Variants in ALX1 observed in about 807,000 individuals in gnomAD.
The protein encoded by ALX1 is ALX homeobox protein 1.
Under a neutral mutation model 31.7 loss-of-function variants are expected in ALX1, and 19 were observed. The observed-to-expected ratio is 0.60, with a 90% CI of 0.42 to 0.88. ALX1 has a LOEUF of 0.88. ALX1 is among the 40% of genes least tolerant of loss of function. ALX1 has a pLI of 0.00. For synonymous variants in ALX1, 153 were observed against 148.8 expected (o/e 1.03, Z -0.20); for missense variants, 415 against 407.8 (o/e 1.02, Z -0.15).
At chr12:85,290,880 T>C (rs1301178388) in intron 3 of ALX1, among the ~76,000 whole-genome samples, 3 of 150,932 alleles carry the variant, frequency 2.0e-5, no homozygotes, top group Admixed American at 6.6e-5. Context: ...TTTTGTTGGG[T>C]TGTATTAAAG....
At chr12:85,293,911 C>T (rs964366163) in intron 3 of ALX1, among the ~76,000 whole-genome samples, 61 of 151,178 alleles carry the variant, frequency 4.0e-4, no homozygotes, top group Admixed American at 4.0e-3. Flanking sequence ...GTTTATGAAG[C>T]CTCATGTGTC....
intron 1 of ALX1, among the ~76,000 whole-genome samples, chr12:85,281,166 C>G (rs1264387949): frequency 6.6e-6 from 1 of 152,104 alleles, no homozygotes; most frequent in East Asian, 1.9e-4. Context: ...AAACCATCCC[C>G]GGCCTAATCA....
chr12:85,290,764 G>A (rs1181359825), intron 3 of ALX1, among the ~76,000 whole-genome samples: 1 of 150,976 alleles, frequency 6.6e-6, no homozygotes, highest in Admixed American at 6.6e-5. Flanking sequence ...TGCTTGGGAT[G>A]AATTTGTTTC....
At chr12:85,294,940 T>C (rs979326350) in intron 3 of ALX1, among the ~76,000 whole-genome samples, 2 of 151,270 alleles carry the variant, frequency 1.3e-5, no homozygotes, top group Non-Finnish European at 3.0e-5. Context: ...ATAATATATA[T>C]TGGAAAAGTA....
intron 3 of ALX1, among the ~76,000 whole-genome samples, chr12:85,294,870 A>G (rs1896866456): frequency 1.3e-5 from 2 of 151,164 alleles, no homozygotes; most frequent in Admixed American, 1.3e-4. Context: ...AATAAAAGTG[A>G]CAGTATTTAG....
Position 85,286,986 on chromosome 12 carries a change from G to A in ALX1, c.660+5G>A. ...AGGACTGACAGCTACCCACAGGTAT[G>A]CTAAACTACACAGAATACTGATCAA... On this transcript the variant is annotated splice_donor_5th_base_variant and intron_variant, in intron 3 of 3. Coordinates refer to ENST00000316824, the MANE Select transcript of ALX1 (RefSeq NM_006982.3). 6.2e-7 allele frequency: 1 copy of A among 1,611,766 alleles called. No homozygotes were observed. Among genetic ancestry groups the A allele is most frequent in the South Asian group, 1.1e-5 (1 of 91,020 alleles).
intron 3 of ALX1, among the ~76,000 whole-genome samples, chr12:85,290,611 T>C (rs1230069876): frequency 6.6e-6 from 1 of 151,342 alleles, no homozygotes; most frequent in East Asian, 1.9e-4. Flanking sequence ...GTAGTATATT[T>C]TGATGTACTG....
rs1896709249 is a variant in ALX1 at position 85,283,653 on chromosome 12, G to A, written c.308G>A (p.Arg103Gln). Residue 103 changes from arginine to glutamine, a missense_variant, in exon 2 of 4, where the codon CGA (arginine) becomes CAA (glutamine). Arg to Gln is a conservative substitution (Grantham distance 43). Coordinates refer to ENST00000316824, the MANE Select transcript of ALX1 (RefSeq NM_006982.3). The stretch of plus-strand genomic sequence containing the variant: ...GCTATGGACAACTGTAACAGTCTCC[G>A]AATGTCTCCCGTGAAAGGGATGCAA... Reference protein sequence around the residue: ...NRAMDNCNSLRMSPVKGMQEK... With the variant: ...NRAMDNCNSLQMSPVKGMQEK... The A allele has an allele frequency of 2.5e-6, 4 of 1,614,106 alleles. No homozygotes were observed. Among genetic ancestry groups the A allele is most frequent in the African/African-American group, 1.3e-5 (1 of 75,008 alleles).
Position 85,301,322 on chromosome 12 carries a change from C to T in ALX1, c.828C>T (p.Pro276=), listed in dbSNP as rs1300932535. The T allele has an allele frequency of 1.2e-6, 2 of 1,613,926 alleles. No homozygotes were observed. The highest frequency in any genetic ancestry group is 1.7e-5 in the Admixed American group (1 of 59,956). ...SNHQNQFSHV[P]LNNFFTDSLL... ...ACCAGAACCAGTTCAGCCACGTGCC[C>T]CTCAACAATTTTTTCACTGACTCTC... Residue 276 remains proline, a synonymous_variant, in exon 4 of 4, where the codon CCC becomes CCT. Coordinates refer to ENST00000316824, the MANE Select transcript of ALX1 (RefSeq NM_006982.3).
At chr12:85,288,729 G>A (rs898520552) in intron 3 of ALX1, among the ~76,000 whole-genome samples, 26 of 151,448 alleles carry the variant, frequency 1.7e-4, no homozygotes, top group African/African-American at 6.3e-4. Flanking sequence ...AAAGAGGTAA[G>A]GTGAAGTTCA....
intron 2 of ALX1, among the ~76,000 whole-genome samples, chr12:85,284,656 T>C (rs895207858): frequency 1.3e-5 from 2 of 152,166 alleles, no homozygotes; most frequent in Non-Finnish European, 2.9e-5. Flanking sequence ...AGAAAAATCA[T>C]ACCAGGTAAA....
intron 3 of ALX1, among the ~76,000 whole-genome samples, chr12:85,287,813 G>A (rs1278826314): frequency 1.3e-5 from 2 of 151,244 alleles, no homozygotes; most frequent in Non-Finnish European, 3.0e-5. Context: ...TAAGCAACGA[G>A]CTATGCATTA....
chr12:85,283,898 T>C, intron 2 of ALX1, 22 bp downstream of exon 2: 1 of 1,611,832 alleles, frequency 6.2e-7, no homozygotes, highest in East Asian at 2.2e-5. Context: ...AAAGAGGCCT[T>C]GATGGATGGG....
intron 1 of ALX1, among the ~76,000 whole-genome samples, chr12:85,281,731 C>T (rs370786073): frequency 6.6e-6 from 1 of 152,168 alleles, no homozygotes; most frequent in African/African-American, 2.4e-5. Flanking sequence ...AAGATTCGAG[C>T]GTATACTTTT....
intron 1 of ALX1, 102 bp from the exon 2 acceptor site, chr12:85,283,470 A>G (rs1896706210): frequency 3.3e-6 from 4 of 1,204,736 alleles, no homozygotes; most frequent in Middle Eastern, 2.0e-4. Context: ...TAAATTATTA[A>G]TAGGCCAATT....
intron 2 of ALX1, 52 bp downstream of exon 2, chr12:85,283,928 T>C (rs757880621): frequency 1.3e-6 from 2 of 1,587,550 alleles, no homozygotes; most frequent in Non-Finnish European, 1.7e-6. Context: ...TAAATGGTGT[T>C]AGAATAATTG....
Position 85,280,443 on chromosome 12 carries a change from A to T in ALX1, c.182A>T (p.His61Leu). 1 of 1,612,182 alleles carries T rather than the reference A, an allele frequency of 6.2e-7. No individual in the cohort carries two copies. The highest frequency in any genetic ancestry group is 1.1e-5 in the South Asian group (1 of 91,018). Residue 61 changes from histidine (H) to leucine (L), a missense_variant, in exon 1 of 4, where the codon CAT becomes CTT. His to Leu is a moderately conservative substitution (Grantham distance 99, BLOSUM62 -3). Transcript: ENST00000316824. The part of the protein sequence containing the change: ...QAFGPLPRAE[H>L]HVRLERTSPC... ...TTCGGACCCCTGCCCCGCGCCGAGC[A>T]TCACGTGCGCTTGGAGAGGACCTCG...
At chr12:85,300,930 C>A (rs779857102) in intron 3 of ALX1, among the ~76,000 whole-genome samples, 139 of 151,958 alleles carry the variant, frequency 9.1e-4, no homozygotes, top group African/African-American at 3.1e-3. Context: ...TTTGAGAGTA[C>A]GTTATGTGGC....
At chr12:85,289,029 A>G (rs1218850629) in intron 3 of ALX1, among the ~76,000 whole-genome samples, 1 of 151,434 alleles carries the variant, frequency 6.6e-6, no homozygotes, top group African/African-American at 2.4e-5. Context: ...CTTACTAAGT[A>G]TATTCCACAA....
Sources: allele counts gnomAD v4.1 joint callset (sites outside exome capture counted in the v4.1 genomes callset), GRCh38; gene constraint gnomAD v4.1.1; transcripts MANE v1.5; gene names NCBI Gene and HGNC (gene_info 2026-07-23, HGNC 2026-07-21).